RAPGEF4: variants seen among roughly 807,000 people sequenced by gnomAD.
The protein encoded by RAPGEF4 is RAP guanine-nucleotide-exchange factor (GEF) 4.
Under a neutral mutation model 147.9 loss-of-function variants are expected in RAPGEF4, and 66 were observed. The observed-to-expected ratio is 0.45, with a 90% CI of 0.37 to 0.55. The LOEUF is 0.55. Among genes scored for constraint, RAPGEF4 ranks in the 20% least tolerant of loss-of-function variants. The pLI is 0.00. For synonymous variants in RAPGEF4, 419 were observed against 442.7 expected, an observed-to-expected ratio of 0.95 and a Z score of 0.67; for missense variants, 1,071 against 1,257.3, an observed-to-expected ratio of 0.85 and a Z score of 2.24.
intron 3 of RAPGEF4, among the ~76,000 whole-genome samples, chr2:172,809,679 C>T (rs1357604542): frequency 1.3e-5 from 2 of 152,088 alleles, no homozygotes; most frequent in Non-Finnish European, 2.9e-5. Flanking sequence ...CATAGGCAAA[C>T]ACCAATATGC....
chr2:172,764,707 G>C (rs1179036488), intron 1 of RAPGEF4, among the ~76,000 whole-genome samples: 1 of 152,154 alleles, frequency 6.6e-6, no homozygotes, highest in Non-Finnish European at 1.5e-5. Context: ...ACTACTTTGA[G>C]AGCCATACCC....
At chr2:172,969,558 C>T (rs2105527852) in intron 10 of RAPGEF4, among the ~76,000 whole-genome samples, 1 of 152,362 alleles carries the variant, frequency 6.6e-6, no homozygotes, top group African/African-American at 2.4e-5. Context: ...TGTGAATACA[C>T]AGTCCCAGCT....
intron 4 of RAPGEF4, among the ~76,000 whole-genome samples, chr2:172,847,722 G>A (rs1344184424): frequency 6.6e-6 from 1 of 152,196 alleles, no homozygotes; most frequent in African/African-American, 2.4e-5. Flanking sequence ...ACATGTAAAA[G>A]GGCAGGGACG....
intron 1 of RAPGEF4, among the ~76,000 whole-genome samples, chr2:172,773,618 C>T (rs868834424): frequency 6.6e-6 from 1 of 151,716 alleles, no homozygotes; most frequent in Non-Finnish European, 1.5e-5. Flanking sequence ...CCCTCCCCAC[C>T]CCACACTGCC....
intron 4 of RAPGEF4, among the ~76,000 whole-genome samples, chr2:172,849,031 T>C (rs1375663046): frequency 1.3e-5 from 2 of 152,118 alleles, no homozygotes; most frequent in African/African-American, 2.4e-5. Context: ...AAAACTTACA[T>C]TGATAAATAG....
At chr2:173,025,116 G>A (rs1028708338) in intron 23 of RAPGEF4, among the ~76,000 whole-genome samples, 9 of 152,130 alleles carry the variant, frequency 5.9e-5, no homozygotes, top group Non-Finnish European at 1.2e-4. Flanking sequence ...TCTGTACCTG[G>A]GTGTCACATG....
At chr2:173,049,981 A>G (rs748816990) in intron 30 of RAPGEF4, among the ~76,000 whole-genome samples, 2 of 152,234 alleles carry the variant, frequency 1.3e-5, no homozygotes, top group Non-Finnish European at 1.5e-5. Flanking sequence ...TGTGTGCCTG[A>G]GGGGGTTTAT....
chr2:172,743,191 G>A (rs1694456186), intron 1 of RAPGEF4, among the ~76,000 whole-genome samples: 1 of 152,184 alleles, frequency 6.6e-6, no homozygotes, highest in African/African-American at 2.4e-5. Context: ...ACAGATGAGG[G>A]AGAGACTGCC....
At chr2:172,750,342 C>A (rs1176397797) in intron 1 of RAPGEF4, among the ~76,000 whole-genome samples, 1 of 151,910 alleles carries the variant, frequency 6.6e-6, no homozygotes, top group Non-Finnish European at 1.5e-5. Context: ...ACAATCATGG[C>A]AGAAGGTGAA....
At chr2:172,996,331 G>C (rs909183495) in intron 15 of RAPGEF4, 135 bp from the exon 16 acceptor site, 2 of 485,714 alleles carry the variant, frequency 4.1e-6, no homozygotes, top group African/African-American at 4.1e-5. Context: ...CAAAGTGTGT[G>C]GTCTCTCTTA....
chr2:172,981,877 G>A (rs1408795893), intron 10 of RAPGEF4, among the ~76,000 whole-genome samples: 1 of 152,200 alleles, frequency 6.6e-6, no homozygotes, highest in Non-Finnish European at 1.5e-5. Flanking sequence ...CTAAGTTTCA[G>A]ATGTACTCTA....
intron 3 of RAPGEF4, among the ~76,000 whole-genome samples, chr2:172,813,325 T>C (rs77847291): frequency 0.015 from 2,224 of 152,342 alleles, 59 homozygotes; most frequent in East Asian, 0.092. Context: ...CTATTTGCAT[T>C]ATTTGAAACT....
chr2:172,744,130 A>G (rs1694555588), intron 1 of RAPGEF4: 1 of 209,744 alleles, frequency 4.8e-6, no homozygotes, highest in Non-Finnish European at 9.7e-6. Flanking sequence ...AGTTATCTGC[A>G]TTTTCCCTTT....
chr2:172,890,249 G>C (rs1697749372), intron 4 of RAPGEF4, among the ~76,000 whole-genome samples: 1 of 152,230 alleles, frequency 6.6e-6, no homozygotes, highest in South Asian at 2.1e-4. Flanking sequence ...TGACTGATAA[G>C]AGCCGGGGCT....
intron 4 of RAPGEF4, among the ~76,000 whole-genome samples, chr2:172,904,122 T>C (rs746859446): frequency 2.0e-5 from 3 of 152,248 alleles, no homozygotes; most frequent in Admixed American, 6.5e-5. Context: ...AGGCACTTTT[T>C]TGTAACTTCC....
rs114214817 is a variant in RAPGEF4, at chr2:172,987,330, A to G, written c.1151-866A>G. Among the ~76,000 whole-genome samples, 880 of 152,242 alleles carry G rather than the reference A, an allele frequency of 5.8e-3. 9 individuals are homozygous for G. The highest frequency in any genetic ancestry group is 0.018 in the African/African-American group (729 of 41,550). ...AAATAAAAAATAAAAAATAAATTATACAACTACACTTGAAGACCCTTTGTA... is the reference window on the plus strand; with the variant it reads ...AAATAAAAAATAAAAAATAAATTATGCAACTACACTTGAAGACCCTTTGTA... On this transcript the variant is annotated intron_variant, in intron 12 of 30. Coordinates refer to ENST00000397081, the MANE Select transcript of RAPGEF4 (RefSeq NM_007023.4).
intron 1 of RAPGEF4, among the ~76,000 whole-genome samples, chr2:172,741,735 G>A (rs537763858): frequency 1.3e-5 from 2 of 152,342 alleles, no homozygotes; most frequent in African/African-American, 4.8e-5. Flanking sequence ...GCAGTGGTTT[G>A]ATCACAACTC....
intron 4 of RAPGEF4, among the ~76,000 whole-genome samples, chr2:172,827,858 G>A (rs1376812613): frequency 1.3e-5 from 2 of 152,180 alleles, no homozygotes; most frequent in African/African-American, 2.4e-5. Context: ...CACTCCAGGT[G>A]CTCAGACATC....
chr2:172,959,429 T>C (rs901666172), intron 6 of RAPGEF4, among the ~76,000 whole-genome samples: 5 of 152,226 alleles, frequency 3.3e-5, no homozygotes, highest in Admixed American at 3.3e-4. Flanking sequence ...ATCTCCTTGG[T>C]TTGATGCTTA....
Sources: allele counts gnomAD v4.1 joint callset (sites outside exome capture counted in the v4.1 genomes callset), GRCh38; gene constraint gnomAD v4.1.1; transcripts MANE v1.5; gene names NCBI Gene and HGNC (gene_info 2026-07-23, HGNC 2026-07-21).